Variants in CLEC16A observed in about 807,000 individuals in gnomAD.
CLEC16A encodes the protein protein CLEC16A.
CLEC16A carries 51 observed loss-of-function variants against 109.5 expected under a neutral mutation model. That is an observed-to-expected ratio of 0.47 (90% CI 0.37 to 0.59). CLEC16A has a LOEUF of 0.59. Ranked by LOEUF, CLEC16A falls within the 20% of genes least tolerant of loss-of-function variation. The pLI is 0.00. For missense variants in CLEC16A, 1,339 were observed against 1,394.0 expected, an observed-to-expected ratio of 0.96 and a Z score of 0.63; for synonymous variants, 673 against 564.2, an observed-to-expected ratio of 1.19 and a Z score of -2.73.
chr16:11,006,259 G>T (rs2045002990), intron 11 of CLEC16A, among the ~76,000 whole-genome samples: 1 of 152,144 alleles, frequency 6.6e-6, no homozygotes, highest in South Asian at 2.1e-4. Context: ...GGCCTGGCCC[G>T]CATGACAAAT....
intron 10 of CLEC16A, among the ~76,000 whole-genome samples, chr16:10,994,057 CCTGTGAGTG>C (rs1376533884): frequency 2.0e-5 from 3 of 152,218 alleles, no homozygotes; most frequent in African/African-American, 7.2e-5. Flanking sequence ...CTGCAAGAGG[CCTGTGAGTG>C]CTGTGAGTCT....
intron 16 of CLEC16A, among the ~76,000 whole-genome samples, chr16:11,044,547 G>A (rs755279232): frequency 4.6e-5 from 7 of 152,058 alleles, no homozygotes; most frequent in Non-Finnish European, 8.8e-5. Context: ...CTCTATTAAC[G>A]TTTATTGAGA....
At position 11,166,487 on chromosome 16, in the gene CLEC16A, C is replaced by T; in HGVS notation, c.2741C>T (p.Thr914Ile). The change falls in exon 23 of 24, where the codon ACC becomes ATC. Residue 914 changes from threonine (T) to isoleucine (I), a missense_variant. Physicochemically the swap from Thr to Ile is moderately conservative, Grantham distance 89. Coordinates refer to ENST00000409790, the MANE Select transcript of CLEC16A (RefSeq NM_015226.3). ...ASGSPSGSGS[T>I]SHCDSGGTSS... ...GGGAGCCCCAGCGGCAGCGGGAGCA[C>T]CAGCCACTGCGACTCTGGAGGCACC... 1 of 1,609,512 alleles carries T rather than the reference C, an allele frequency of 6.2e-7. No homozygotes were observed. Among genetic ancestry groups the T allele is most frequent in the Non-Finnish European group, 8.5e-7 (1 of 1,179,758 alleles).
intron 13 of CLEC16A, chr16:11,027,718 G>C: frequency 6.3e-7 from 1 of 1,577,822 alleles, no homozygotes; most frequent in Non-Finnish European, 8.6e-7. Context: ...GGCACACTTG[G>C]CTATCGGGGT....
intron 10 of CLEC16A, among the ~76,000 whole-genome samples, chr16:10,990,397 C>G (rs2043933316): frequency 6.6e-6 from 1 of 152,212 alleles, no homozygotes; most frequent in Non-Finnish European, 1.5e-5. Context: ...TTGCGTCTCT[C>G]TGTTTCCTGG....
At chr16:11,041,915 C>G in intron 14 of CLEC16A, 2 of 233,988 alleles carry the variant, frequency 8.5e-6, no homozygotes, top group South Asian at 6.7e-5. Context: ...AATCACATGA[C>G]CCAGAGTGGG....
At chr16:11,007,248 C>T (rs147604036) in intron 11 of CLEC16A, among the ~76,000 whole-genome samples, 1 of 152,114 alleles carries the variant, frequency 6.6e-6, no homozygotes, top group Non-Finnish European at 1.5e-5. Context: ...AGATGATAGG[C>T]CTTTGAACCT....
intron 10 of CLEC16A, among the ~76,000 whole-genome samples, chr16:10,992,542 T>TA (rs1296156471): frequency 6.6e-6 from 1 of 151,038 alleles, no homozygotes; most frequent in African/African-American, 2.4e-5. Flanking sequence ...CATTAAAAAA[T>TA]AAAAAAGAAA....
chr16:11,127,954 G>A (rs770642265), intron 22 of CLEC16A, among the ~76,000 whole-genome samples: 1 of 152,212 alleles, frequency 6.6e-6, no homozygotes, highest in East Asian at 1.9e-4. Flanking sequence ...AGATGATTCT[G>A]CCTGTTTCAG....
At chr16:11,156,495 C>A in intron 22 of CLEC16A, 1 of 793,720 alleles carries the variant, frequency 1.3e-6, no homozygotes, top group Non-Finnish European at 1.9e-6. Flanking sequence ...GATTCTGCTC[C>A]AGCTGGGGTC....
At chr16:11,096,332 G>T (rs1305686866) in intron 19 of CLEC16A, among the ~76,000 whole-genome samples, 1 of 152,034 alleles carries the variant, frequency 6.6e-6, no homozygotes, top group Non-Finnish European at 1.5e-5. Context: ...GTGACAGAGT[G>T]AGACCCTGTC....
intron 7 of CLEC16A, among the ~76,000 whole-genome samples, chr16:10,973,821 T>C (rs1356576546): frequency 6.8e-6 from 1 of 147,610 alleles, no homozygotes; most frequent in East Asian, 2.0e-4. Context: ...TCCTCCTGTC[T>C]CGGCCTCCCA....
chr16:10,988,225 G>A lies in CLEC16A; in HGVS notation c.1071+5234G>A, dbSNP rs571475091. On this transcript the variant is annotated intron_variant, in intron 10 of 23. Transcript: ENST00000409790. ...TTACTTGTAGGTACTTTTTTTAAAG[G>A]ACTTTTTTTTCCTCTTGGGTTTCTG... Among the ~76,000 whole-genome samples, 32 of 152,246 alleles carry A rather than the reference G, an allele frequency of 2.1e-4. No homozygotes were observed. The Middle Eastern group carries it at 0.01, about 49-fold the overall frequency.
At chr16:11,084,531 C>A in intron 19 of CLEC16A, among the ~76,000 whole-genome samples, 1 of 152,172 alleles carries the variant, frequency 6.6e-6, no homozygotes, top group Admixed American at 6.5e-5. Flanking sequence ...TAGACCATGA[C>A]TCCAGGGCCC....
In CLEC16A at chr16:10,962,502, G is replaced by A. The variant is rs200527647; in HGVS notation, c.257G>A (p.Arg86Gln). ...NMFVFFLNIL[R>Q]QKSGRYVCVQ... ...TTTGTTTTCTTCTTGAACATCTTGC[G>A]GCAAAAGTCGGGCCGTTACGTGTGC... Residue 86 changes from arginine (R) to glutamine (Q), a missense_variant, in exon 3 of 24, where the codon CGG becomes CAG. This residue lies in a region of CLEC16A where 117 missense variants were observed against 120.2 expected (regional missense o/e 0.97). Transcript: ENST00000409790. 5.0e-6 allele frequency: 8 copies of A among 1,613,770 alleles called. No homozygotes were observed. Among genetic ancestry groups the A allele is most frequent in the East Asian group, 2.2e-5 (1 of 44,882 alleles).
rs1294478374 is a variant in CLEC16A, at chr16:11,180,734, G to A, written c.*2044G>A. ...CTGCCCCACCCCAAGGCGTGACCAG[G>A]AGGAACAGCCTGCAGCTCACTCCAT... On this transcript the variant is annotated 3_prime_UTR_variant, in exon 24 of 24. Coordinates refer to ENST00000409790, the MANE Select transcript of CLEC16A (RefSeq NM_015226.3). 3 of 152,306 alleles carry A rather than the reference G, an allele frequency of 2.0e-5. No homozygotes were observed. The highest frequency in any genetic ancestry group is 7.2e-5 in the African/African-American group (3 of 41,470). The allele number at this position is 152,306 out of a possible 1,614,324, so 9.4% of individuals were successfully genotyped here. A position where few individuals can be genotyped will look rare whatever the true frequency, so the allele number is the denominator to read the frequency against.
Position 11,095,703 on chromosome 16 carries a change from C to T in CLEC16A, c.2117-24912C>T, listed in dbSNP as rs542238601. Among the ~76,000 whole-genome samples, 4 of 151,702 alleles carry T rather than the reference C, an allele frequency of 2.6e-5. No homozygotes were observed. The South Asian group carries it at 8.4e-4, about 32-fold the overall frequency. ...GGCAGGCTCCTGTAATCCCAGCTAC[C>T]TGGGAGCCTGAGGCAAGAGAATCAC... On this transcript the variant is annotated intron_variant, in intron 19 of 23. Coordinates refer to ENST00000409790, the MANE Select transcript of CLEC16A (RefSeq NM_015226.3).
intron 19 of CLEC16A, among the ~76,000 whole-genome samples, chr16:11,101,541 G>A (rs917063420): frequency 2.0e-5 from 3 of 152,200 alleles, no homozygotes; most frequent in African/African-American, 7.2e-5. Flanking sequence ...ACAGAGCAGG[G>A]ACTGAGCCTT....
Position 11,044,266 on chromosome 16 carries a change from A to G in CLEC16A, c.1815+194A>G, listed in dbSNP as rs1597179630. On this transcript the variant is annotated intron_variant, in intron 16 of 23. Transcript: ENST00000409790. ...ACTTTTCTGTCCAAGCTGTCTTATCAGTAAAATTTTTGAGGACTCAGCCCC... is the reference window on the plus strand; with the variant it reads ...ACTTTTCTGTCCAAGCTGTCTTATCGGTAAAATTTTTGAGGACTCAGCCCC... 2.1e-5 allele frequency: 9 copies of G among 420,828 alleles called. No individual in the cohort carries two copies. The East Asian group carries it at 3.3e-4, about 15-fold the overall frequency. The allele number at this position is 420,828 out of a possible 1,614,324, so 26.1% of individuals were successfully genotyped here.
Sources: allele counts gnomAD v4.1 joint callset (sites outside exome capture counted in the v4.1 genomes callset), GRCh38; gene constraint gnomAD v4.1.1; regional missense constraint gnomAD v4.1.1; transcripts MANE v1.5; gene names NCBI Gene and HGNC (gene_info 2026-07-23, HGNC 2026-07-21).